SEMA6D: variants seen among roughly 807,000 people sequenced by gnomAD.
The protein encoded by SEMA6D is semaphorin-6D.
A neutral mutation model predicts 106.6 loss-of-function variants in SEMA6D; 35 were observed. The observed-to-expected ratio is 0.33, with a 90% CI of 0.25 to 0.44. SEMA6D has a LOEUF of 0.44. SEMA6D is among the 20% of genes least tolerant of loss of function. The pLI is 1.00. For synonymous variants in SEMA6D, 499 were observed against 487.7 expected, an observed-to-expected ratio of 1.02 and a Z score of -0.31; for missense variants, 1,185 against 1,345.9, an observed-to-expected ratio of 0.88 and a Z score of 1.87.
chr15:47,242,962 G>A lies in SEMA6D; in HGVS notation c.-239+58544G>A, dbSNP rs576506402. On this transcript the variant is annotated intron_variant, in intron 1 of 19. Coordinates refer to the SEMA6D transcript ENST00000558014. Reference sequence around the variant, plus strand: ...TCTATTACTAAAGCTGTTGATCATAGGTTGTTTGAGGATGTACTAGCTCTA... The same window carrying A: ...TCTATTACTAAAGCTGTTGATCATAAGTTGTTTGAGGATGTACTAGCTCTA... 4.6e-5 allele frequency among the ~76,000 whole-genome samples: 7 copies of A among 152,158 alleles called. No individual in the cohort carries two copies. The South Asian group carries it at 1.2e-3, about 27-fold the overall frequency.
chr15:47,612,170 A>G (rs544737257), intron 4 of SEMA6D, among the ~76,000 whole-genome samples: 6 of 152,256 alleles, frequency 3.9e-5, no homozygotes, highest in East Asian at 1.9e-4. Context: ...AGCAAAAGCA[A>G]TGCTCTTTAT....
intron 3 of SEMA6D, among the ~76,000 whole-genome samples, chr15:47,503,430 G>A (rs1263764828): frequency 6.6e-6 from 1 of 152,144 alleles, no homozygotes; most frequent in Non-Finnish European, 1.5e-5. Context: ...AAGAAAGGCT[G>A]GTGTATTCCG....
At chr15:47,557,468 C>G (rs2045948000) in intron 3 of SEMA6D, among the ~76,000 whole-genome samples, 2 of 152,146 alleles carry the variant, frequency 1.3e-5, no homozygotes, top group Non-Finnish European at 2.9e-5. Flanking sequence ...AAGTTGATGT[C>G]TTGGGTGCCA....
At chr15:47,270,237 A>G (rs943367237) in intron 1 of SEMA6D, among the ~76,000 whole-genome samples, 10 of 149,336 alleles carry the variant, frequency 6.7e-5, no homozygotes, top group African/African-American at 2.4e-4. Flanking sequence ...GATTTTGTCA[A>G]TGCCATGTAA....
intron 3 of SEMA6D, among the ~76,000 whole-genome samples, chr15:47,533,883 T>G (rs1329489383): frequency 6.6e-6 from 1 of 152,186 alleles, no homozygotes; most frequent in Admixed American, 6.5e-5. Flanking sequence ...TCTGATTGGA[T>G]GAAAGAGTCA....
intron 4 of SEMA6D, among the ~76,000 whole-genome samples, chr15:47,682,817 C>G (rs926546504): frequency 6.6e-6 from 1 of 152,180 alleles, no homozygotes; most frequent in African/African-American, 2.4e-5. Flanking sequence ...GTACGTAAAA[C>G]CCTCCTCACA....
At chr15:47,298,577 C>T (rs1239806026) in intron 1 of SEMA6D, among the ~76,000 whole-genome samples, 2 of 152,222 alleles carry the variant, frequency 1.3e-5, no homozygotes, top group Admixed American at 6.5e-5. Flanking sequence ...TGTTCTTATT[C>T]GCCCAGTGGT....
intron 4 of SEMA6D, among the ~76,000 whole-genome samples, chr15:47,645,300 G>A (rs557525663): frequency 6.6e-6 from 1 of 152,242 alleles, no homozygotes; most frequent in East Asian, 1.9e-4. Context: ...GTGAGCACAG[G>A]CCACCATGGG....
chr15:47,765,174 T>G (rs903754081), intron 13 of SEMA6D, 118 bp downstream of exon 13: 1 of 1,460,334 alleles, frequency 6.8e-7, no homozygotes, highest in African/African-American at 1.4e-5. Context: ...AATAGTGTTT[T>G]GTGTTTTTTT....
intron 1 of SEMA6D, among the ~76,000 whole-genome samples, chr15:47,229,111 A>G (rs1265041739): frequency 2.0e-5 from 3 of 152,078 alleles, no homozygotes; most frequent in Non-Finnish European, 4.4e-5. Flanking sequence ...ACTGACTCCA[A>G]CATGAGGCTC....
At chr15:47,586,072 C>T (rs1207048104) in intron 3 of SEMA6D, among the ~76,000 whole-genome samples, 5 of 152,218 alleles carry the variant, frequency 3.3e-5, no homozygotes, top group Non-Finnish European at 7.3e-5. Context: ...TGCTGTTTCT[C>T]AGCCTTTTAA....
At chr15:47,494,222 A>G (rs1457366179) in intron 3 of SEMA6D, among the ~76,000 whole-genome samples, 2 of 152,106 alleles carry the variant, frequency 1.3e-5, no homozygotes, top group South Asian at 2.1e-4. Flanking sequence ...CAAACAGTAA[A>G]TACTGGGAAT....
At chr15:47,338,980 G>C (rs1172168555) in intron 1 of SEMA6D, 2 of 152,108 alleles carry the variant, frequency 1.3e-5, no homozygotes, top group African/African-American at 2.4e-5. Flanking sequence ...GACTTTGCTG[G>C]GTTTAGATCA....
chr15:47,594,430 C>T (rs922531838), intron 3 of SEMA6D, among the ~76,000 whole-genome samples: 2 of 152,212 alleles, frequency 1.3e-5, no homozygotes, highest in Admixed American at 1.3e-4. Context: ...GTGTGTTTCT[C>T]AGGGACACCT....
intron 3 of SEMA6D, among the ~76,000 whole-genome samples, chr15:47,580,158 A>C (rs751063927): frequency 2.0e-5 from 3 of 152,186 alleles, no homozygotes; most frequent in Non-Finnish European, 4.4e-5. Flanking sequence ...TAGGTCTGAG[A>C]CACACTTATA....
At chr15:47,266,252 G>T (rs774826625) in intron 1 of SEMA6D, among the ~76,000 whole-genome samples, 4 of 151,410 alleles carry the variant, frequency 2.6e-5, no homozygotes, top group Non-Finnish European at 4.4e-5. Flanking sequence ...TTTTTCCAGA[G>T]CCCCTTAGAC....
At chr15:47,524,505 G>A (rs2044689167) in intron 3 of SEMA6D, among the ~76,000 whole-genome samples, 1 of 152,164 alleles carries the variant, frequency 6.6e-6, no homozygotes, top group Non-Finnish European at 1.5e-5. Context: ...GAAATATAAA[G>A]GGCTTACTTT....
At chr15:47,205,235 T>C (rs1167096805) in intron 1 of SEMA6D, among the ~76,000 whole-genome samples, 2 of 152,172 alleles carry the variant, frequency 1.3e-5, no homozygotes, top group Non-Finnish European at 2.9e-5. Flanking sequence ...GGAAAAATAA[T>C]GAACTATTTA....
At chr15:47,367,997 G>A (rs74011415) in intron 1 of SEMA6D, among the ~76,000 whole-genome samples, 21,406 of 150,976 alleles carry the variant, frequency 0.14, 1,641 homozygotes, top group Admixed American at 0.18. Context: ...CATTTGGTGT[G>A]TGACTTGAAC....
Sources: allele counts gnomAD v4.1 joint callset (sites outside exome capture counted in the v4.1 genomes callset), GRCh38; gene constraint gnomAD v4.1.1; transcripts MANE v1.5; gene names NCBI Gene and HGNC (gene_info 2026-07-23, HGNC 2026-07-21).